Variants in DSCAM observed in about 807,000 individuals in gnomAD.
DSCAM encodes DS cell adhesion molecule.
A neutral mutation model predicts 217.7 loss-of-function variants in DSCAM; 47 were observed. The observed-to-expected ratio is 0.22, with a 90% CI of 0.17 to 0.28. The LOEUF is 0.28. Ranked by LOEUF, DSCAM falls within the 10% of genes least tolerant of loss-of-function variation. The probability of loss-of-function intolerance (pLI) is 1.00; values close to 1 mark genes in which losing one functional copy is unlikely to be tolerated. For missense variants in DSCAM, 2,080 were observed against 2,618.3 expected (o/e 0.79, Z 4.49); for synonymous variants, 1,056 against 1,015.3 (o/e 1.04, Z -0.76).
chr21:40,611,740 C>T (rs1435271119), intron 3 of DSCAM, among the ~76,000 whole-genome samples: 3 of 152,178 alleles, frequency 2.0e-5, no homozygotes, highest in African/African-American at 7.2e-5. Context: ...AGGTGCTATG[C>T]AAATAGCTCT....
At chr21:40,682,068 G>A (rs1044584100) in intron 3 of DSCAM, among the ~76,000 whole-genome samples, 1 of 152,014 alleles carries the variant, frequency 6.6e-6, no homozygotes, top group Non-Finnish European at 1.5e-5. Flanking sequence ...TCAGTTCATG[G>A]TATTTTTTTT....
At chr21:40,022,761 G>A (rs1033678800) in intron 32 of DSCAM, among the ~76,000 whole-genome samples, 4 of 149,064 alleles carry the variant, frequency 2.7e-5, no homozygotes, top group Non-Finnish European at 5.9e-5. Context: ...TTAGACAAAT[G>A]AATGAGGCAC....
intron 3 of DSCAM, among the ~76,000 whole-genome samples, chr21:40,537,605 A>G: frequency 6.6e-6 from 1 of 152,188 alleles, no homozygotes; most frequent in Non-Finnish European, 1.5e-5. Flanking sequence ...GTAGAGTAGG[A>G]CGGGTCCTTA....
intron 16 of DSCAM, among the ~76,000 whole-genome samples, chr21:40,151,431 G>A (rs1489166583): frequency 6.6e-6 from 1 of 152,050 alleles, no homozygotes; most frequent in African/African-American, 2.4e-5. Context: ...TTCAAAGAAT[G>A]TCATTGCAAG....
intron 9 of DSCAM, among the ~76,000 whole-genome samples, chr21:40,311,844 T>G (rs1418805924): frequency 6.6e-6 from 1 of 152,008 alleles, no homozygotes; most frequent in Non-Finnish European, 1.5e-5. Context: ...GTTCCCACCT[T>G]CTTAGCTATT....
chr21:40,076,936 G>A (rs2089373675), intron 26 of DSCAM, among the ~76,000 whole-genome samples: 1 of 152,212 alleles, frequency 6.6e-6, no homozygotes. Context: ...TGTCTGGTAA[G>A]TGTCAAAGTT....
intron 11 of DSCAM, among the ~76,000 whole-genome samples, chr21:40,260,907 G>T: frequency 6.6e-6 from 1 of 152,168 alleles, no homozygotes; most frequent in East Asian, 1.9e-4. Flanking sequence ...CCAGGAGCTG[G>T]CTGGGAACTC....
intron 20 of DSCAM, among the ~76,000 whole-genome samples, chr21:40,113,963 A>G (rs2089933736): frequency 6.6e-6 from 1 of 152,028 alleles, no homozygotes; most frequent in Non-Finnish European, 1.5e-5. Flanking sequence ...GGAAGAATCA[A>G]TATTGTGAAA....
chr21:40,675,014 A>AACACAC (rs375640720), intron 3 of DSCAM, among the ~76,000 whole-genome samples: 2,898 of 129,128 alleles, frequency 0.022, 84 homozygotes, highest in African/African-American at 0.061. Context: ...TCATTATATA[A>AACACAC]ACACACACAC....
intron 3 of DSCAM, among the ~76,000 whole-genome samples, chr21:40,371,371 C>A (rs1281703927): frequency 6.6e-6 from 1 of 151,212 alleles, no homozygotes; most frequent in Non-Finnish European, 1.5e-5. Context: ...TTACATAATG[C>A]TTTAATAATC....
intron 9 of DSCAM, among the ~76,000 whole-genome samples, chr21:40,296,730 C>T (rs1024749611): frequency 4.1e-5 from 6 of 146,202 alleles, no homozygotes; most frequent in Admixed American, 1.4e-4. Context: ...ACTCAGGAGG[C>T]GGAGGCTGGA....
chr21:40,503,346 G>A (rs2076184917), intron 3 of DSCAM, among the ~76,000 whole-genome samples: 1 of 152,192 alleles, frequency 6.6e-6, no homozygotes, highest in African/African-American at 2.4e-5. Flanking sequence ...ATGAGTATCA[G>A]CCTACACTGT....
chr21:40,590,169 G>C (rs1327987957), intron 3 of DSCAM, among the ~76,000 whole-genome samples: 1 of 152,224 alleles, frequency 6.6e-6, no homozygotes, highest in Non-Finnish European at 1.5e-5. Context: ...GGAAGACCAA[G>C]CCTAGGCTCA....
chr21:40,238,373 C>T (rs184550662), intron 11 of DSCAM, among the ~76,000 whole-genome samples: 1 of 152,348 alleles, frequency 6.6e-6, no homozygotes, highest in Non-Finnish European at 1.5e-5. Context: ...TCATGAGAAT[C>T]TCCTCTTTAC....
chr21:40,590,801 G>A (rs542882287), intron 3 of DSCAM, among the ~76,000 whole-genome samples: 1 of 152,132 alleles, frequency 6.6e-6, no homozygotes, highest in South Asian at 2.1e-4. Flanking sequence ...GAGGGGTATT[G>A]CCCTGTCTAA....
At chr21:40,509,563 AT>A (rs2076241860) in intron 3 of DSCAM, among the ~76,000 whole-genome samples, 1 of 152,206 alleles carries the variant, frequency 6.6e-6, no homozygotes. Context: ...CCACTGGCAA[AT>A]GCCAATATGC....
At chr21:40,218,266 T>TTG (rs1404584829) in intron 11 of DSCAM, among the ~76,000 whole-genome samples, 1 of 152,188 alleles carries the variant, frequency 6.6e-6, no homozygotes, top group Non-Finnish European at 1.5e-5. Context: ...TCCCCACTGC[T>TTG]TGTTTTTGTC....
intron 11 of DSCAM, among the ~76,000 whole-genome samples, chr21:40,266,242 GA>G (rs11295833): frequency 0.6 from 91,702 of 151,854 alleles, 29,978 homozygotes; most frequent in African/African-American, 0.87. Context: ...AAAAACGTGT[GA>G]AAAAACTGCT....
chr21:40,267,112 C>T (rs1198752850), intron 11 of DSCAM, among the ~76,000 whole-genome samples: 1 of 151,786 alleles, frequency 6.6e-6, no homozygotes, highest in African/African-American at 2.4e-5. Context: ...CATTAAAATC[C>T]TAGACTTTAT....
Sources: allele counts gnomAD v4.1 joint callset (sites outside exome capture counted in the v4.1 genomes callset), GRCh38; gene constraint gnomAD v4.1.1; transcripts MANE v1.5; gene names NCBI Gene and HGNC (gene_info 2026-07-23, HGNC 2026-07-21).